Variants in CORO1C observed in about 807,000 individuals in gnomAD.
CORO1C encodes the protein coronin 1C.
CORO1C carries 14 observed loss-of-function variants against 51.2 expected under a neutral mutation model. The observed-to-expected ratio is 0.27, with a 90% CI of 0.18 to 0.43. The LOEUF is 0.43. Ranked by LOEUF, CORO1C falls within the 20% of genes least tolerant of loss-of-function variation. CORO1C has a pLI of 1.00. For missense variants in CORO1C, 417 were observed against 607.8 expected, an observed-to-expected ratio of 0.69 and a Z score of 3.30; for synonymous variants, 181 against 210.5, an observed-to-expected ratio of 0.86 and a Z score of 1.21.
intron 1 of CORO1C, among the ~76,000 whole-genome samples, chr12:108,727,220 G>A (rs899353994): frequency 6.6e-6 from 1 of 152,180 alleles, no homozygotes; most frequent in African/African-American, 2.4e-5. Context: ...TCAAATTCAG[G>A]TCCAGTTCTT....
In CORO1C at chr12:108,684,208, T is replaced by C. The variant is rs79893389; in HGVS notation, c.196-5814A>G. Among the ~76,000 whole-genome samples, 1,090 of 152,314 alleles carry C rather than the reference T, an allele frequency of 7.2e-3. 18 individuals are homozygous for C. The highest frequency in any genetic ancestry group is 0.025 in the African/African-American group (1,027 of 41,570). On this transcript the variant is annotated intron_variant, in intron 2 of 10. Coordinates refer to ENST00000261401, the MANE Select transcript of CORO1C (RefSeq NM_014325.4). ...GTGTGAAAAGATACTTCAATCTCAC[T>C]GATAATTAGAGAACTGCAAATTAAA...
chr12:108,656,525 C>T (rs1340547383), intron 6 of CORO1C, among the ~76,000 whole-genome samples: 1 of 152,204 alleles, frequency 6.6e-6, no homozygotes, highest in Non-Finnish European at 1.5e-5. Flanking sequence ...CCCCTCTGCC[C>T]GGCCACCATC....
Position 108,652,437 on chromosome 12 carries a change from A to T in CORO1C, c.856-20T>A, listed in dbSNP as rs1339528687. Reference sequence around the variant, plus strand: ...GTCACCCTGTAAGAAACCAGAGACAAGTCTGTGTCTGATTGTTAACTGAAA... The same window carrying T: ...GTCACCCTGTAAGAAACCAGAGACATGTCTGTGTCTGATTGTTAACTGAAA... On this transcript the variant is annotated intron_variant, in intron 7 of 10. Transcript: ENST00000261401. 1 of 1,605,592 alleles carries T rather than the reference A, an allele frequency of 6.2e-7. No individual in the cohort carries two copies. The highest frequency in any genetic ancestry group is 1.7e-5 in the Admixed American group (1 of 59,834).
intron 2 of CORO1C, chr12:108,696,476 TG>T (rs1312799554): frequency 6.6e-6 from 1 of 152,062 alleles, no homozygotes; most frequent in Admixed American, 6.6e-5. Context: ...GAGCCCTCCA[TG>T]GTTCACAATA....
At chr12:108,650,779 G>A (rs1565898955) in intron 8 of CORO1C, among the ~76,000 whole-genome samples, 1 of 152,172 alleles carries the variant, frequency 6.6e-6, no homozygotes, top group Non-Finnish European at 1.5e-5. Flanking sequence ...ATAGTCTGTC[G>A]AACTTTTAGA....
intron 1 of CORO1C, among the ~76,000 whole-genome samples, chr12:108,726,493 C>G (rs1391243247): frequency 6.6e-6 from 1 of 151,022 alleles, no homozygotes; most frequent in African/African-American, 2.4e-5. Flanking sequence ...AGTCAGACAC[C>G]CCAAGAGAGG....
chr12:108,725,327 A>G (rs1011125453), intron 1 of CORO1C, among the ~76,000 whole-genome samples: 2 of 152,260 alleles, frequency 1.3e-5, no homozygotes, highest in African/African-American at 2.4e-5. Flanking sequence ...GCTTCTCTGC[A>G]GTTCCATTCA....
At chr12:108,715,807 T>C (rs570916760) in intron 1 of CORO1C, among the ~76,000 whole-genome samples, 3 of 152,128 alleles carry the variant, frequency 2.0e-5, no homozygotes, top group South Asian at 4.1e-4. Flanking sequence ...AAAACTTTTA[T>C]AGACATGAGT....
intron 1 of CORO1C, among the ~76,000 whole-genome samples, chr12:108,706,408 T>C (rs1292642837): frequency 6.6e-6 from 1 of 152,116 alleles, no homozygotes; most frequent in Non-Finnish European, 1.5e-5. Context: ...CTATTCAGGA[T>C]TGTAGTACAG....
chr12:108,655,207 C>T (rs2032886730), intron 6 of CORO1C, among the ~76,000 whole-genome samples: 1 of 152,136 alleles, frequency 6.6e-6, no homozygotes. Flanking sequence ...GTATTTTTCC[C>T]CACTTAAGCT....
chr12:108,716,876 ATT>A (rs1467881624), intron 1 of CORO1C, among the ~76,000 whole-genome samples: 13 of 152,254 alleles, frequency 8.5e-5, no homozygotes, highest in Admixed American at 3.9e-4. Context: ...AATCCCAGTC[ATT>A]CTTTTGTTCA....
intron 1 of CORO1C, among the ~76,000 whole-genome samples, chr12:108,711,008 TC>T (rs2035164417): frequency 6.6e-6 from 1 of 152,156 alleles, no homozygotes; most frequent in Non-Finnish European, 1.5e-5. Flanking sequence ...GTGATAATCC[TC>T]AACCTCTAGG....
In CORO1C at chr12:108,701,227, C is replaced by A. The variant is rs888712529; in HGVS notation, c.92G>T (p.Arg31Leu). ...DQCYDDIRVS[R>L]VTWDSSFCAV... is the part of the protein sequence containing the mutation. ...ACAAAAGGAACTATCCCAGGTCACA[C>A]GAGAAACCCGGATGTCATCATAGCA... Residue 31 changes from arginine to leucine, a missense_variant, in exon 2 of 11, where the codon CGT (arginine) becomes CTT (leucine). Transcript: ENST00000261401. The A allele has an allele frequency of 6.2e-7, 1 of 1,614,152 alleles. No homozygotes were observed. The highest frequency in any genetic ancestry group is 2.2e-5 in the East Asian group (1 of 44,884).
intron 2 of CORO1C, among the ~76,000 whole-genome samples, chr12:108,699,666 C>T (rs2034802925): frequency 6.6e-6 from 1 of 152,108 alleles, no homozygotes; most frequent in Admixed American, 6.6e-5. Context: ...ATGCAACTGG[C>T]CTTGAGTTCA....
At chr12:108,663,042 T>G (rs2033335676) in intron 3 of CORO1C, among the ~76,000 whole-genome samples, 1 of 152,178 alleles carries the variant, frequency 6.6e-6, no homozygotes, top group Non-Finnish European at 1.5e-5. Context: ...AAGGAAGACA[T>G]ATAAATGGCG....
At chr12:108,657,623 G>A (rs983516703) in intron 5 of CORO1C, among the ~76,000 whole-genome samples, 200 bp from the exon 6 acceptor site, 2 of 152,208 alleles carry the variant, frequency 1.3e-5, no homozygotes, top group African/African-American at 2.4e-5. Context: ...CCCTCTGTGA[G>A]GCTGCAAGAA....
At chr12:108,701,486 T>C in intron 1 of CORO1C, 163 bp from the exon 2 acceptor site, 2 of 1,067,832 alleles carry the variant, frequency 1.9e-6, no homozygotes, top group African/African-American at 1.6e-5. Flanking sequence ...TAGCAGCACA[T>C]ACCCGGAGAC....
At chr12:108,656,931 T>C (rs900158846) in intron 6 of CORO1C, among the ~76,000 whole-genome samples, 1 of 152,090 alleles carries the variant, frequency 6.6e-6, no homozygotes, top group Admixed American at 6.5e-5. Flanking sequence ...CAGGGTCCTC[T>C]CCCTAGGAAA....
At chr12:108,677,033 T>C (rs965280501) in intron 3 of CORO1C, among the ~76,000 whole-genome samples, 1 of 152,194 alleles carries the variant, frequency 6.6e-6, no homozygotes, top group African/African-American at 2.4e-5. Flanking sequence ...TGTATTTATG[T>C]AAAATAATTT....
Sources: gnomAD v4.1 joint callset for allele counts (sites outside exome capture counted in the v4.1 genomes callset) on GRCh38, gnomAD v4.1.1 for gene constraint, MANE v1.5 for transcripts, NCBI Gene and HGNC (gene_info 2026-07-23, HGNC 2026-07-21) for gene names.